The following TRIM9 variants were observed in gnomAD, a reference collection of about 807,000 sequenced individuals.
TRIM9 encodes the protein tripartite motif containing 9.
TRIM9 carries 26 observed loss-of-function variants against 78.3 expected under a neutral mutation model. The observed-to-expected ratio is 0.33, with a 90% CI of 0.24 to 0.46. The LOEUF (loss-of-function observed/expected upper bound fraction) is 0.46. TRIM9 is among the 20% of genes least tolerant of loss of function. The probability of loss-of-function intolerance (pLI) is 1.00; values close to 1 mark genes in which losing one functional copy is unlikely to be tolerated. For synonymous variants in TRIM9, 398 were observed against 416.5 expected (o/e 0.96, Z 0.54); for missense variants, 787 against 1,036.4 (o/e 0.76, Z 3.30).
chr14:51,067,153 C>T (rs2061817436), intron 1 of TRIM9, among the ~76,000 whole-genome samples: 1 of 152,152 alleles, frequency 6.6e-6, no homozygotes, highest in African/African-American at 2.4e-5. Context: ...AATATTTCCT[C>T]CCTCAACATG....
chr14:50,985,817 T>C lies in TRIM9; in HGVS notation c.1792+139A>G, dbSNP rs979542539. 6.8e-5 allele frequency: 50 copies of C among 733,012 alleles called. 1 individual carries two copies. Among genetic ancestry groups the C allele is most frequent in the Non-Finnish European group, 4.4e-5 (22 of 504,122 alleles). The allele number at this position is 733,012 out of a possible 1,614,324, so 45.4% of individuals were successfully genotyped here. ...CAAAGCTCCACCATCCCGATGCTCCTCATACGGAAAGCAGGCCACAGACAG... is the reference window on the plus strand; with the variant it reads ...CAAAGCTCCACCATCCCGATGCTCCCCATACGGAAAGCAGGCCACAGACAG... On this transcript the variant is annotated intron_variant, in intron 8 of 12. Transcript: ENST00000684578.
chr14:51,005,729 A>C (rs1391149870), intron 5 of TRIM9, among the ~76,000 whole-genome samples: 1 of 152,240 alleles, frequency 6.6e-6, no homozygotes, highest in Non-Finnish European at 1.5e-5. Context: ...GAAAAGTCTG[A>C]AAGACCAAAT....
At chr14:51,032,974 C>T (rs2139888654) in intron 1 of TRIM9, among the ~76,000 whole-genome samples, 1 of 152,244 alleles carries the variant, frequency 6.6e-6, no homozygotes, top group East Asian at 1.9e-4. Context: ...ATTAGTGATC[C>T]TCCACTGGTA....
rs2064810840 is a variant in TRIM9 at position 51,095,070 on chromosome 14, C to G, written c.-131G>C. 3 of 595,900 alleles carry G rather than the reference C, an allele frequency of 5.0e-6. No homozygotes were observed. The East Asian group carries it at 9.5e-5, about 19-fold the overall frequency. 36.9% of individuals were successfully genotyped at this position (595,900 alleles called of 1,614,324 possible). ...GTGGTGGTGGTGCCTTCCCGCGCAG[C>G]ACTGGCACGGACACCCAGAGAGGCG... is the stretch of plus-strand genomic sequence containing the variant. On this transcript the variant is annotated 5_prime_UTR_variant, in exon 1 of 13. Transcript: ENST00000684578.
At position 50,986,303 on chromosome 14, in the gene TRIM9, C is replaced by T. The variant is rs145039391; in HGVS notation, c.1604-159G>A. The T allele has an allele frequency of 6.6e-5, 37 of 559,226 alleles. No homozygotes were observed. The East Asian group carries it at 1.2e-3, about 18-fold the overall frequency. The allele number at this position is 559,226 out of a possible 1,614,324, so 34.6% of individuals were successfully genotyped here. A position where few individuals can be genotyped will look rare whatever the true frequency, so the allele number is the denominator to read the frequency against. On this transcript the variant is annotated intron_variant, in intron 7 of 12. Coordinates refer to ENST00000684578, the MANE Select transcript of TRIM9 (RefSeq NM_001387360.1). Reference sequence around the variant, plus strand: ...TTTACAAAACCAATGTGCCTGGGGGCAGGGAGGGAATTTTCGGCAGATCAG... The same window carrying T: ...TTTACAAAACCAATGTGCCTGGGGGTAGGGAGGGAATTTTCGGCAGATCAG...
At chr14:51,079,952 T>C (rs1375818720) in intron 1 of TRIM9, among the ~76,000 whole-genome samples, 1 of 152,118 alleles carries the variant, frequency 6.6e-6, no homozygotes, top group African/African-American at 2.4e-5. Context: ...AGAGTGCTAG[T>C]GGTAAGATGC....
intron 1 of TRIM9, among the ~76,000 whole-genome samples, chr14:51,089,594 G>GA (rs2064117287): frequency 1.3e-5 from 2 of 152,130 alleles, no homozygotes; most frequent in Admixed American, 6.5e-5. Context: ...TGGAGAATCT[G>GA]AAAAAAACGG....
In TRIM9 at chr14:51,094,449, G is replaced by C; in HGVS notation, c.491C>G (p.Ala164Gly). The change falls in exon 1 of 13, where the codon GCG becomes GGG. Residue 164 changes from alanine (A) to glycine (G), a missense_variant. Ala to Gly is a moderately conservative substitution (Grantham distance 60). This residue lies in a region of TRIM9 where 352 missense variants were observed against 472.3 expected (regional missense o/e 0.75). Coordinates refer to ENST00000684578, the MANE Select transcript of TRIM9 (RefSeq NM_001387360.1). ...VIDRYQQSKA[A>G]ALKCQLCEKA... Reference sequence around the variant, plus strand: ...CTCGCAGAGCTGGCACTTGAGGGCCGCGGCTTTGCTCTGCTGGTAGCGGTC... The same window carrying C: ...CTCGCAGAGCTGGCACTTGAGGGCCCCGGCTTTGCTCTGCTGGTAGCGGTC... 2.5e-6 allele frequency: 4 copies of C among 1,613,874 alleles called. No individual in the cohort carries two copies. Among genetic ancestry groups the C allele is most frequent in the Non-Finnish European group, 3.4e-6 (4 of 1,179,978 alleles).
intron 1 of TRIM9, among the ~76,000 whole-genome samples, chr14:51,065,031 A>T (rs7148279): frequency 0.059 from 9,026 of 152,130 alleles, 287 homozygotes; most frequent in East Asian, 0.091. Context: ...GTCCTTCAAA[A>T]CCTAGGGAAT....
chr14:51,061,086 A>C (rs879791838), intron 1 of TRIM9, among the ~76,000 whole-genome samples: 2 of 152,034 alleles, frequency 1.3e-5, no homozygotes, highest in Non-Finnish European at 2.9e-5. Flanking sequence ...ATTTTTTGTG[A>C]AGTGTCTGCT....
chr14:51,082,349 C>G (rs2063379943), intron 1 of TRIM9, among the ~76,000 whole-genome samples: 2 of 152,194 alleles, frequency 1.3e-5, no homozygotes, highest in South Asian at 4.1e-4. Flanking sequence ...GTGGAAGTAA[C>G]CCAAATGTCC....
chr14:51,003,027 A>C (rs1379523898), intron 5 of TRIM9, among the ~76,000 whole-genome samples: 3 of 152,200 alleles, frequency 2.0e-5, no homozygotes, highest in African/African-American at 7.2e-5. Flanking sequence ...TGTCTTGCTC[A>C]CTAAATAAAC....
chr14:50,982,797 G>T, intron 10 of TRIM9, 145 bp downstream of exon 10: 1 of 713,002 alleles, frequency 1.4e-6, no homozygotes, highest in Non-Finnish European at 2.3e-6. Context: ...TGATGTCTTT[G>T]TACGCATTGT....
At chr14:50,986,224 A>G in intron 7 of TRIM9, 80 bp from the exon 8 acceptor site, 5 of 1,190,696 alleles carry the variant, frequency 4.2e-6, no homozygotes, top group Non-Finnish European at 5.5e-6. Context: ...GACCTGCCTT[A>G]ACAATGCATT....
intron 1 of TRIM9, among the ~76,000 whole-genome samples, chr14:51,064,308 A>C (rs961770418): frequency 6.6e-6 from 1 of 152,100 alleles, no homozygotes; most frequent in East Asian, 1.9e-4. Context: ...ATAATTAAAT[A>C]GTAAAAATTA....
In TRIM9 at chr14:51,012,586, T is replaced by G. The variant is rs546194517; in HGVS notation, c.1042-2092A>C. On this transcript the variant is annotated intron_variant, in intron 3 of 12. Transcript: ENST00000684578. ...GGGGTATTATACCCAGAAGTGGAGT[T>G]GCTGGATCATGTGGCAATGCTATGT... 3.3e-5 allele frequency among the ~76,000 whole-genome samples: 5 copies of G among 152,322 alleles called. No individual in the cohort carries two copies. The South Asian group carries it at 6.2e-4, about 19-fold the overall frequency.
chr14:50,982,766 G>A (rs1337144693), intron 10 of TRIM9, 176 bp downstream of exon 10: 7 of 555,062 alleles, frequency 1.3e-5, no homozygotes, highest in Admixed American at 3.3e-5. Context: ...TAGGAATTTC[G>A]GACATTAGGT....
rs1288562429 is a variant in TRIM9 at position 51,094,643 on chromosome 14, G to A, written c.297C>T (p.Val99=). The A allele has an allele frequency of 6.2e-7, 1 of 1,605,454 alleles. No individual in the cohort carries two copies. The highest frequency in any genetic ancestry group is 8.5e-7 in the Non-Finnish European group (1 of 1,174,972). The part of the protein sequence containing the change: ...TTPCQKSPNG[V]RVFPPAMPPP... ...GCGGCATAGCCGGGGGAAACACGCG[G>A]ACGCCGTTGGGGGACTTCTGGCACG... Residue 99 remains valine, a synonymous_variant, in exon 1 of 13, where the codon GTC becomes GTT. Transcript: ENST00000684578.
intron 8 of TRIM9, among the ~76,000 whole-genome samples, chr14:50,983,891 C>A (rs1274879670): frequency 6.6e-6 from 1 of 152,154 alleles, no homozygotes; most frequent in Admixed American, 6.5e-5. Context: ...GTAATGTAAT[C>A]CATTTGTGAA....
Sources: gnomAD v4.1 joint callset for allele counts (sites outside exome capture counted in the v4.1 genomes callset) on GRCh38, gnomAD v4.1.1 for gene constraint, gnomAD v4.1.1 regional missense constraint, MANE v1.5 for transcripts, NCBI Gene and HGNC (gene_info 2026-07-23, HGNC 2026-07-21) for gene names.